KIF13B: variants seen among roughly 807,000 people sequenced by gnomAD.
KIF13B encodes the protein kinesin family member 13B.
A neutral mutation model predicts 222.0 loss-of-function variants in KIF13B; 127 were observed. The observed-to-expected ratio is 0.57, with a 90% CI of 0.50 to 0.66. The LOEUF (loss-of-function observed/expected upper bound fraction) is 0.66, where lower values mean the gene tolerates loss of function less well. Among genes scored for constraint, KIF13B ranks in the 30% least tolerant of loss-of-function variants. The probability of loss-of-function intolerance (pLI) is 0.00; values close to 1 mark genes in which losing one functional copy is unlikely to be tolerated. For synonymous variants in KIF13B, 976 were observed against 919.0 expected, an observed-to-expected ratio of 1.06 and a Z score of -1.12; for missense variants, 2,173 against 2,379.0, an observed-to-expected ratio of 0.91 and a Z score of 1.80.
At chr8:29,240,301 C>T (rs1219131732) in intron 2 of KIF13B, among the ~76,000 whole-genome samples, 5 of 150,516 alleles carry the variant, frequency 3.3e-5, no homozygotes, top group Admixed American at 6.6e-5. Flanking sequence ...TCATTGTACG[C>T]TTCATCACCA....
chr8:29,112,555 T>C (rs1355722634), intron 32 of KIF13B, among the ~76,000 whole-genome samples: 1 of 151,956 alleles, frequency 6.6e-6, no homozygotes, highest in Non-Finnish European at 1.5e-5. Flanking sequence ...CTGGTGCTGG[T>C]GTTGATGGCA....
At chr8:29,144,239 T>G (rs910073906) in intron 18 of KIF13B, among the ~76,000 whole-genome samples, 17 of 152,090 alleles carry the variant, frequency 1.1e-4, no homozygotes, top group African/African-American at 3.6e-4. Flanking sequence ...CATTTGAGAA[T>G]TCTTACGGTC....
At chr8:29,199,816 C>G (rs1401001637) in intron 2 of KIF13B, among the ~76,000 whole-genome samples, 1 of 152,144 alleles carries the variant, frequency 6.6e-6, no homozygotes, top group Non-Finnish European at 1.5e-5. Flanking sequence ...TTCTCCCATT[C>G]TAATGATTAC....
At chr8:29,185,899 GT>G (rs1358401778) in intron 6 of KIF13B, among the ~76,000 whole-genome samples, 1 of 152,176 alleles carries the variant, frequency 6.6e-6, no homozygotes, top group Admixed American at 6.5e-5. Flanking sequence ...TCAAACCAGC[GT>G]TTGTGAAGGC....
intron 15 of KIF13B, 127 bp from the exon 16 acceptor site, chr8:29,148,894 A>G: frequency 1.5e-6 from 1 of 670,954 alleles, no homozygotes; most frequent in Non-Finnish European, 2.4e-6. Context: ...TACTGTACTC[A>G]GGAAGTTGAT....
At chr8:29,165,906 C>CGATTGCAGATCGAAGTACCTT in intron 11 of KIF13B, 134 bp from the exon 12 acceptor site, 1 of 680,520 alleles carries the variant, frequency 1.5e-6, no homozygotes, top group Admixed American at 2.9e-5. Flanking sequence ...ACATCTACTT[C>CGATTGCAGATCGAAGTACCTT]GATTGTAGAT....
At chr8:29,166,928 A>AT (rs1375886447) in intron 11 of KIF13B, among the ~76,000 whole-genome samples, 3 of 152,214 alleles carry the variant, frequency 2.0e-5, no homozygotes, top group African/African-American at 7.2e-5. Flanking sequence ...AATCCACAAC[A>AT]TGGAAAAGCT....
chr8:29,099,304 TAC>T, intron 35 of KIF13B, 63 bp from the exon 36 acceptor site: 2 of 1,127,018 alleles, frequency 1.8e-6, no homozygotes, highest in South Asian at 1.4e-5. Flanking sequence ...AAAAAAAAAT[TAC>T]AGATACTCAA....
intron 8 of KIF13B, among the ~76,000 whole-genome samples, chr8:29,179,380 G>T (rs1563764417): frequency 6.6e-6 from 1 of 152,214 alleles, no homozygotes; most frequent in Non-Finnish European, 1.5e-5. Flanking sequence ...GCCTCCCGAA[G>T]TGCTGGGATT....
At chr8:29,140,344 C>T (rs1276969517) in intron 20 of KIF13B, 124 bp downstream of exon 20, 3 of 1,377,184 alleles carry the variant, frequency 2.2e-6, no homozygotes, top group African/African-American at 2.9e-5. Context: ...CCCTAAGAGT[C>T]CTTGGAAACA....
intron 37 of KIF13B, among the ~76,000 whole-genome samples, chr8:29,087,287 G>C (rs1808087834): frequency 6.6e-6 from 1 of 152,206 alleles, no homozygotes. Context: ...TCCAGGTACA[G>C]AGCCCTGCCT....
intron 14 of KIF13B, among the ~76,000 whole-genome samples, chr8:29,154,270 T>C (rs1279108220): frequency 2.6e-5 from 4 of 151,882 alleles, no homozygotes; most frequent in South Asian, 2.1e-4. Flanking sequence ...TGAGCTATGA[T>C]TGCACCACTG....
chr8:29,109,642 G>A (rs956755274), intron 33 of KIF13B, 131 bp from the exon 34 acceptor site: 1 of 803,888 alleles, frequency 1.2e-6, no homozygotes, highest in Non-Finnish European at 2.1e-6. Context: ...GCTGTTACGT[G>A]ATTATTACGT....
intron 2 of KIF13B, among the ~76,000 whole-genome samples, chr8:29,197,522 A>C (rs1813495045): frequency 6.6e-6 from 1 of 152,080 alleles, no homozygotes; most frequent in Admixed American, 6.5e-5. Context: ...CCAAGGATTT[A>C]TATGAATAAA....
chr8:29,178,509 A>G (rs1238233395), intron 8 of KIF13B, among the ~76,000 whole-genome samples: 2 of 152,166 alleles, frequency 1.3e-5, no homozygotes, highest in African/African-American at 4.8e-5. Flanking sequence ...CAATAGCAAT[A>G]TAAGGAATGT....
chr8:29,142,195 G>C lies in KIF13B; in HGVS notation c.2296C>G (p.Leu766Val), dbSNP rs769227570. Residue 766 changes from leucine (L) to valine (V), a missense_variant, in exon 19 of 40, where the codon CTT (leucine) becomes GTT (valine). Physicochemically the swap from Leu to Val is conservative, Grantham distance 32. Around this residue, in one of 2 missense-constraint regions of KIF13B, gnomAD observed 1,480 missense variants for 1,722.8 expected, o/e 0.86. Coordinates refer to ENST00000524189, the MANE Select transcript of KIF13B (RefSeq NM_015254.4). ...LDNRLLDMRDLYQEWKECEED... is the reference protein window; with the variant it reads ...LDNRLLDMRDVYQEWKECEED... ...TCACACTCTTTCCACTCCTGATAAA[G>C]GTCTCTCATATCCAACAGCCTGTTG... The C allele has an allele frequency of 3.1e-6, 5 of 1,613,478 alleles. No individual in the cohort carries two copies. In the South Asian group the frequency reaches 4.4e-5, roughly 14 times the overall value.
Position 29,142,087 on chromosome 8 carries a change from T to C in KIF13B, c.2334+70A>G, listed in dbSNP as rs1240112885. The C allele has an allele frequency of 3.2e-6, 4 of 1,268,942 alleles. No homozygotes were observed. In the Admixed American group the frequency reaches 6.0e-5, roughly 19 times the overall value. 78.6% of individuals were successfully genotyped at this position (1,268,942 alleles called of 1,614,324 possible). ...GAAAAAGAACAATTTTCCCCTGAAA[T>C]GGGTAGACTCATTCCAGCTTGGCTC... On this transcript the variant is annotated intron_variant, in intron 19 of 39. Transcript: ENST00000524189.
intron 5 of KIF13B, among the ~76,000 whole-genome samples, chr8:29,187,526 G>A (rs574721183): frequency 3.4e-4 from 52 of 152,194 alleles, no homozygotes; most frequent in African/African-American, 6.3e-4. Context: ...GCAAGACTCC[G>A]TCTCAAAATA....
At chr8:29,124,757 AC>A (rs1810032956) in intron 26 of KIF13B, among the ~76,000 whole-genome samples, 1 of 151,910 alleles carries the variant, frequency 6.6e-6, no homozygotes, top group African/African-American at 2.4e-5. Flanking sequence ...GGTGGCGGGT[AC>A]CTGTAATCCC....
Sources: gnomAD v4.1 joint callset for allele counts (sites outside exome capture counted in the v4.1 genomes callset) on GRCh38, gnomAD v4.1.1 for gene constraint, gnomAD v4.1.1 regional missense constraint, MANE v1.5 for transcripts, NCBI Gene and HGNC (gene_info 2026-07-23, HGNC 2026-07-21) for gene names.